YIPF6: variants seen among roughly 807,000 people sequenced by gnomAD.
YIPF6 encodes the protein protein YIPF6.
YIPF6 carries 3 observed loss-of-function variants against 16.8 expected under a neutral mutation model. The observed-to-expected ratio is 0.18, with a 90% CI of 0.08 to 0.46. The LOEUF is 0.46. YIPF6 is among the 20% of genes least tolerant of loss of function. YIPF6 has a pLI of 0.98. For synonymous variants in YIPF6, 67 were observed against 61.9 expected, an observed-to-expected ratio of 1.08 and a Z score of -0.38; for missense variants, 145 against 184.9, an observed-to-expected ratio of 0.78 and a Z score of 1.25.
intron 5 of YIPF6, among the ~76,000 whole-genome samples, chrX:68,521,774 T>TG (rs957504647): frequency 3.7e-5 from 4 of 109,142 alleles, no homozygotes; most frequent in African/African-American, 1.3e-4. Context: ...TTTTTTTTTT[T>TG]GTAGAGATGG....
chrX:68,514,293 A>T (rs1245512937), intron 3 of YIPF6: 1 of 107,555 alleles, frequency 9.3e-6, no homozygotes, highest in Non-Finnish European at 1.9e-5. Context: ...GTTACTACAA[A>T]ATACATTTCT....
intron 4 of YIPF6, among the ~76,000 whole-genome samples, chrX:68,519,240 A>G (rs1416631902): frequency 2.7e-5 from 3 of 111,588 alleles, no homozygotes; most frequent in South Asian, 3.8e-4. Context: ...GTACTTTTCC[A>G]TACACATTGT....
At chrX:68,518,674 A>T (rs1275811692) in intron 3 of YIPF6, 96 bp from the exon 4 acceptor site, 5 of 1,036,571 alleles carry the variant, frequency 4.8e-6, no homozygotes, top group Non-Finnish European at 6.5e-6. Flanking sequence ...CCAGCCAAAG[A>T]GAGCCTTGAT....
chrX:68,503,907 C>T (rs1490488165), intron 1 of YIPF6, among the ~76,000 whole-genome samples: 3 of 112,028 alleles, frequency 2.7e-5, no homozygotes, highest in Non-Finnish European at 3.8e-5. Context: ...TGGGTAGAGA[C>T]GGGGTTTCAC....
chrX:68,513,870 G>A (rs2079090918), intron 3 of YIPF6: 1 of 109,955 alleles, frequency 9.1e-6, no homozygotes, highest in African/African-American at 3.3e-5. Context: ...ATTACAGGCA[G>A]ACATTAAAAA....
At chrX:68,513,515 G>C in intron 3 of YIPF6, 110 bp downstream of exon 3, 3 of 413,046 alleles carry the variant, frequency 7.3e-6, no homozygotes, top group Non-Finnish European at 1.1e-5. Flanking sequence ...TCATTTTGTA[G>C]GATAAAAAAA....
At chrX:68,502,983 C>T in intron 1 of YIPF6, among the ~76,000 whole-genome samples, 1 of 110,999 alleles carries the variant, frequency 9.0e-6, no homozygotes, top group Non-Finnish European at 1.9e-5. Flanking sequence ...GCATGCACCA[C>T]CATGTGCAGC....
chrX:68,528,013 C>T (rs1297015203), intron 6 of YIPF6, among the ~76,000 whole-genome samples: 1 of 111,504 alleles, frequency 9.0e-6, no homozygotes, highest in East Asian at 2.8e-4. Context: ...TGGTCCAGAG[C>T]TGAGTTCAAG....
chrX:68,512,848 T>G (rs186323371), intron 2 of YIPF6, among the ~76,000 whole-genome samples: 180 of 107,613 alleles, frequency 1.7e-3, no homozygotes, highest in Non-Finnish European at 3.0e-3. Flanking sequence ...TTTTTTTTTG[T>G]ATCTGGCATC....
At chrX:68,507,026 T>G (rs1015091152) in intron 1 of YIPF6, among the ~76,000 whole-genome samples, 1 of 112,680 alleles carries the variant, frequency 8.9e-6, no homozygotes, top group African/African-American at 3.2e-5. Context: ...TCCTAAATTA[T>G]ATTTTTATAA....
intron 4 of YIPF6, among the ~76,000 whole-genome samples, chrX:68,519,169 A>AT (rs1265274090): frequency 4.4e-5 from 5 of 112,368 alleles, no homozygotes; most frequent in African/African-American, 6.5e-5. Context: ...CTTACTAAAA[A>AT]TATGAATGAG....
chrX:68,513,477 C>A, intron 3 of YIPF6, 72 bp downstream of exon 3: 1 of 683,793 alleles, frequency 1.5e-6, no homozygotes, highest in Non-Finnish European at 2.0e-6. Context: ...CTTTATAAGG[C>A]AAAGTCTCTG....
chrX:68,530,532 C>G (rs530473522), intron 6 of YIPF6, among the ~76,000 whole-genome samples: 33 of 111,205 alleles, frequency 3.0e-4, no homozygotes, highest in African/African-American at 1.1e-3. Flanking sequence ...ACTCCTGCAG[C>G]TAGCTTGGTG....
rs767342394 is a variant in YIPF6 at position 68,534,280 on chromosome X, C to G, written c.*2281C>G. 3 of 103,071 alleles carry G rather than the reference C, an allele frequency of 2.9e-5. No homozygotes were observed. The South Asian group carries it at 1.3e-3, about 43-fold the overall frequency. The allele number at this position is 103,071 out of a possible 1,213,427, so 8.5% of individuals were successfully genotyped here. ...AAGACATTGTTCTATTTATAGCATT[C>G]TTTTTTTTTTTTAGTAGCGGTATTT... is the stretch of plus-strand genomic sequence containing the variant. On this transcript the variant is annotated 3_prime_UTR_variant, in exon 7 of 7. Transcript: ENST00000462683.
In YIPF6 at chrX:68,518,790, A is replaced by G. The variant is rs146082304; in HGVS notation, c.286A>G (p.Ile96Val). The G allele has an allele frequency of 3.5e-5, 41 of 1,177,859 alleles. No individual in the cohort carries two copies. Among genetic ancestry groups the G allele is most frequent in the Non-Finnish European group, 4.5e-5 (40 of 883,325 alleles). The change falls in exon 4 of 7, where the codon ATC (isoleucine) becomes GTC (valine). Residue 96 changes from isoleucine to valine, a missense_variant. By Grantham distance (29) the Ile-to-Val change is conservative. Coordinates refer to ENST00000462683, the MANE Select transcript of YIPF6 (RefSeq NM_173834.4). ...TGTAGGGGATTTGTGGGGCCCTTTG[A>G]TCCTTTGTGTGACACTCGCATTGTA... is the stretch of plus-strand genomic sequence containing the variant. ...LRDWDLWGPL[I>V]LCVTLALMLQ...
chrX:68,509,895 T>C (rs1273401587), intron 1 of YIPF6, among the ~76,000 whole-genome samples: 1 of 111,843 alleles, frequency 8.9e-6, no homozygotes, highest in Non-Finnish European at 1.9e-5. Context: ...TTGCGTCTAT[T>C]GCTTCCAGGG....
chrX:68,530,410 G>C (rs1016627142), intron 6 of YIPF6, among the ~76,000 whole-genome samples: 1 of 111,017 alleles, frequency 9.0e-6, no homozygotes, highest in African/African-American at 3.3e-5. Flanking sequence ...GCTCCATGGG[G>C]GTGGGATCCG....
intron 1 of YIPF6, among the ~76,000 whole-genome samples, chrX:68,499,744 C>T (rs1469552551): frequency 1.8e-5 from 2 of 112,050 alleles, no homozygotes; most frequent in Admixed American, 1.9e-4. Flanking sequence ...CTCACGTGAT[C>T]CTCCCACCTC....
At chrX:68,529,520 C>G (rs1168825949) in intron 6 of YIPF6, among the ~76,000 whole-genome samples, 2 of 110,671 alleles carry the variant, frequency 1.8e-5, no homozygotes, top group African/African-American at 6.6e-5. Context: ...CCCTTGCTGG[C>G]AAGGAGTTGT....
Sources: allele counts gnomAD v4.1 joint callset (sites outside exome capture counted in the v4.1 genomes callset), GRCh38; gene constraint gnomAD v4.1.1; transcripts MANE v1.5; gene names NCBI Gene and HGNC (gene_info 2026-07-23, HGNC 2026-07-21).